The following BCAS3 variants were observed in gnomAD, a reference collection of about 807,000 sequenced individuals.
BCAS3 encodes BCAS3 microtubule associated cell migration factor.
A neutral mutation model predicts 116.1 loss-of-function variants in BCAS3; 53 were observed. The observed-to-expected ratio is 0.46, with a 90% CI of 0.37 to 0.57. The LOEUF is 0.57. BCAS3 is among the 20% of genes least tolerant of loss of function. The probability of loss-of-function intolerance (pLI) is 0.00; values close to 1 mark genes in which losing one functional copy is unlikely to be tolerated. For synonymous variants in BCAS3, 391 were observed against 408.2 expected, an observed-to-expected ratio of 0.96 and a Z score of 0.51; for missense variants, 917 against 1,165.4, an observed-to-expected ratio of 0.79 and a Z score of 3.10.
At chr17:61,052,679 A>G (rs1230007093) in intron 19 of BCAS3, among the ~76,000 whole-genome samples, 1 of 151,168 alleles carries the variant, frequency 6.6e-6, no homozygotes, top group African/African-American at 2.4e-5. Context: ...GCTAAAGACA[A>G]TTAAGTCTGT....
chr17:61,227,929 G>A lies in BCAS3; in HGVS notation c.2426-140398G>A, dbSNP rs1462309047. ...TGGCAGCACTTTTCCTATTACTTGG[G>A]AGTGAACCCTCAGGGAAATAAAGTG... On this transcript the variant is annotated intron_variant, in intron 22 of 23. Coordinates refer to ENST00000407086, the MANE Select transcript of BCAS3 (RefSeq NM_017679.5). This position sits in a 1 kb window ranked among gnomAD's most constrained non-coding sequence, Gnocchi z 6.1. Among the ~76,000 whole-genome samples the A allele has an allele frequency of 1.3e-5, 2 of 152,284 alleles. No homozygotes were observed. Among genetic ancestry groups the A allele is most frequent in the Admixed American group, 1.3e-4 (2 of 15,300 alleles).
At chr17:60,722,759 CAA>C (rs571361987) in intron 5 of BCAS3, among the ~76,000 whole-genome samples, 92 of 77,316 alleles carry the variant, frequency 1.2e-3, no homozygotes, top group Middle Eastern at 0.017. Flanking sequence ...GACTCTGTCT[CAA>C]AAAAAAAAAA....
intron 22 of BCAS3, chr17:61,159,292 G>A (rs1188741722): frequency 6.6e-6 from 1 of 152,136 alleles, no homozygotes; most frequent in Admixed American, 6.5e-5. Flanking sequence ...TTCCTTGTGT[G>A]TGTGGATATT....
At chr17:60,807,380 A>G (rs1235533337) in intron 6 of BCAS3, among the ~76,000 whole-genome samples, 2 of 152,142 alleles carry the variant, frequency 1.3e-5, no homozygotes, top group Admixed American at 6.5e-5. Flanking sequence ...TTCGACATCA[A>G]TATTATTACT....
intron 5 of BCAS3, among the ~76,000 whole-genome samples, chr17:60,717,749 G>A (rs560274574): frequency 1.3e-5 from 2 of 152,236 alleles, no homozygotes; most frequent in South Asian, 4.1e-4. Flanking sequence ...ACCAGGGACC[G>A]GTTTTGTGGA....
At chr17:60,754,326 C>A (rs536316088) in intron 6 of BCAS3, among the ~76,000 whole-genome samples, 19 of 152,264 alleles carry the variant, frequency 1.2e-4, no homozygotes, top group African/African-American at 4.6e-4. Context: ...CTTCCTCAAC[C>A]TCCAAGTAGC....
At chr17:60,733,410 A>G (rs1598363294) in intron 5 of BCAS3, among the ~76,000 whole-genome samples, 1 of 152,200 alleles carries the variant, frequency 6.6e-6, no homozygotes, top group Non-Finnish European at 1.5e-5. Context: ...CTCTCTTCCC[A>G]GGTGAAATTA....
chr17:61,016,013 T>C, intron 16 of BCAS3, 112 bp downstream of exon 16: 1 of 1,166,158 alleles, frequency 8.6e-7, no homozygotes. Flanking sequence ...CATTTCCAGC[T>C]CAAATAAGAC....
At chr17:60,989,659 T>C (rs2063399247) in intron 14 of BCAS3, among the ~76,000 whole-genome samples, 1 of 152,132 alleles carries the variant, frequency 6.6e-6, no homozygotes, top group South Asian at 2.1e-4. Flanking sequence ...ACATGAATTA[T>C]TGTTGTTATC....
rs1027543547 is a variant in BCAS3 at position 61,151,315 on chromosome 17, A to G, written c.2425+66751A>G. Among the ~76,000 whole-genome samples, 4 of 152,062 alleles carry G rather than the reference A, an allele frequency of 2.6e-5. No homozygotes were observed. Among genetic ancestry groups the G allele is most frequent in the African/African-American group, 9.7e-5 (4 of 41,414 alleles). Reference sequence around the variant, plus strand: ...AAGATCTGAAAAAATTCAAAATTCAAAGCACTCCTGGTCCCAAGCATTTCG... The same window carrying G: ...AAGATCTGAAAAAATTCAAAATTCAGAGCACTCCTGGTCCCAAGCATTTCG... On this transcript the variant is annotated intron_variant, in intron 22 of 23. Coordinates refer to ENST00000407086, the MANE Select transcript of BCAS3 (RefSeq NM_017679.5). The surrounding 1 kb of genome is among the most constrained non-coding windows in gnomAD (Gnocchi z 4.8).
In BCAS3 at chr17:61,200,837, G is replaced by A. The variant is rs2080776460; in HGVS notation, c.2425+116273G>A. On this transcript the variant is annotated intron_variant, in intron 22 of 23. Transcript: ENST00000407086. This position sits in a 1 kb window ranked among gnomAD's most constrained non-coding sequence, Gnocchi z 5.1. ...AATTGGAAAATGTACTTTTTTGATG[G>A]GCTACCTTTCCTCTTTCCTGCCTCA... Among the ~76,000 whole-genome samples the A allele has an allele frequency of 6.6e-6, 1 of 151,830 alleles. No homozygotes were observed. Among genetic ancestry groups the A allele is most frequent in the Admixed American group, 6.6e-5 (1 of 15,252 alleles).
intron 14 of BCAS3, among the ~76,000 whole-genome samples, chr17:60,974,257 G>A (rs2062156025): frequency 6.6e-6 from 1 of 152,092 alleles, no homozygotes; most frequent in African/African-American, 2.4e-5. Flanking sequence ...CTTATAAGAT[G>A]CTGATTTCTA....
In BCAS3 at chr17:61,244,248, A is replaced by T. The variant is rs1187605018; in HGVS notation, c.2426-124079A>T. Reference sequence around the variant, plus strand: ...CCTACAGTTAACAACTATTAACATTATGGTATTTATTAAGATTCTTCTATG... The same window carrying T: ...CCTACAGTTAACAACTATTAACATTTTGGTATTTATTAAGATTCTTCTATG... On this transcript the variant is annotated intron_variant, in intron 22 of 23. Transcript: ENST00000407086. This position sits in a 1 kb window ranked among gnomAD's most constrained non-coding sequence, Gnocchi z 4.9. Among the ~76,000 whole-genome samples, 1 of 152,184 alleles carries T rather than the reference A, an allele frequency of 6.6e-6. No homozygotes were observed. The highest frequency in any genetic ancestry group is 2.4e-5 in the African/African-American group (1 of 41,456).
intron 14 of BCAS3, among the ~76,000 whole-genome samples, chr17:60,977,989 T>A (rs1342902979): frequency 4.9e-5 from 7 of 142,172 alleles, no homozygotes; most frequent in Non-Finnish European, 1.0e-4. Context: ...TATAGCAGCA[T>A]GATTTATAGT....
chr17:61,287,721 G>A (rs747546387), intron 22 of BCAS3, among the ~76,000 whole-genome samples: 3 of 151,726 alleles, frequency 2.0e-5, no homozygotes, highest in Non-Finnish European at 4.4e-5. Flanking sequence ...GTGAGACCCT[G>A]TGTCAAAAAA....
chr17:61,342,298 A>T (rs1328719287), intron 22 of BCAS3, among the ~76,000 whole-genome samples: 1 of 152,194 alleles, frequency 6.6e-6, no homozygotes, highest in African/African-American at 2.4e-5. Flanking sequence ...TAGAAACGTC[A>T]CTTCCCCACC....
intron 22 of BCAS3, among the ~76,000 whole-genome samples, chr17:61,305,882 C>G (rs544587711): frequency 7.2e-5 from 11 of 152,288 alleles, no homozygotes; most frequent in African/African-American, 2.6e-4. Flanking sequence ...GGCAACAGAG[C>G]AAGACTCCAT....
intron 10 of BCAS3, among the ~76,000 whole-genome samples, chr17:60,893,478 G>A (rs564702050): frequency 4.6e-5 from 7 of 151,680 alleles, no homozygotes; most frequent in South Asian, 2.1e-4. Context: ...TCCCAGCTCC[G>A]TTTATTGAAT....
At chr17:61,178,293 T>A (rs1250457004) in intron 22 of BCAS3, among the ~76,000 whole-genome samples, 1 of 152,130 alleles carries the variant, frequency 6.6e-6, no homozygotes, top group Non-Finnish European at 1.5e-5. Context: ...TCAATTGAAA[T>A]GTAGTTAGAT....
Sources: gnomAD v4.1 joint callset for allele counts (sites outside exome capture counted in the v4.1 genomes callset) on GRCh38, gnomAD v4.1.1 for gene constraint, Gnocchi (gnomAD v3.1) non-coding constraint, MANE v1.5 for transcripts, NCBI Gene and HGNC (gene_info 2026-07-23, HGNC 2026-07-21) for gene names.